Variants in CD276 observed in about 807,000 individuals in gnomAD.
CD276 encodes CD276 molecule, also known as CD276 antigen.
A neutral mutation model predicts 50.0 loss-of-function variants in CD276; 34 were observed. That is an observed-to-expected ratio of 0.68 (90% CI 0.52 to 0.91). CD276 has a LOEUF of 0.91. Ranked by LOEUF, CD276 falls within the 40% of genes least tolerant of loss-of-function variation. The pLI is 0.00. For missense variants in CD276, 634 were observed against 717.5 expected (o/e 0.88, Z 1.33); for synonymous variants, 275 against 313.0 (o/e 0.88, Z 1.28).
chr15:73,713,169 C>G lies in CD276; in HGVS notation c.*213C>G, dbSNP rs928207381. 1.1e-5 allele frequency: 6 copies of G among 540,954 alleles called. No individual in the cohort carries two copies. The highest frequency in any genetic ancestry group is 4.7e-4 in the Middle Eastern group (1 of 2,138). The allele number at this position is 540,954 out of a possible 1,614,324, so 33.5% of individuals were successfully genotyped here. The stretch of plus-strand genomic sequence containing the variant: ...CCTGCTGCCTTTTTTCTTATAGACA[C>G]AATGAACAGACCACCCACAACCTTA... On this transcript the variant is annotated 3_prime_UTR_variant, in exon 10 of 10. Coordinates refer to ENST00000318443, the MANE Select transcript of CD276 (RefSeq NM_001024736.2).
At chr15:73,712,885 A>AT (rs1900964510) in intron 9 of CD276, 49 bp from the exon 10 acceptor site, 2 of 1,595,860 alleles carry the variant, frequency 1.3e-6, no homozygotes. Flanking sequence ...ATCTTCTGGC[A>AT]TCTAATGCTT....
Position 73,691,376 on chromosome 15 carries a change from G to C in CD276, c.-55+6916G>C, listed in dbSNP as rs577323719. ...TTCATTTGTTTGGATCAATTCTTTAGATTGTTGGTAGCAGACACATTTATT... is the reference window on the plus strand; with the variant it reads ...TTCATTTGTTTGGATCAATTCTTTACATTGTTGGTAGCAGACACATTTATT... On this transcript the variant is annotated intron_variant, in intron 1 of 9. Transcript: ENST00000318443. 1.4e-4 allele frequency among the ~76,000 whole-genome samples: 21 copies of C among 152,274 alleles called. No individual in the cohort carries two copies. In the East Asian group the frequency reaches 3.9e-3, roughly 28 times the overall value.
intron 1 of CD276, among the ~76,000 whole-genome samples, chr15:73,688,330 T>A (rs530806702): frequency 7.9e-5 from 12 of 152,262 alleles, no homozygotes; most frequent in Admixed American, 4.6e-4. Flanking sequence ...GCAGTTTTGG[T>A]ACTGGGCACT....
At chr15:73,699,779 G>C (rs1038618113) in intron 2 of CD276, 61 bp downstream of exon 2, 1 of 1,520,350 alleles carries the variant, frequency 6.6e-7, no homozygotes, top group Admixed American at 2.0e-5. Flanking sequence ...TTGGGGAGGG[G>C]GTGCCCACGC....
chr15:73,700,881 T>TCCCCC (rs1900352003), intron 2 of CD276, among the ~76,000 whole-genome samples: 1 of 60,894 alleles, frequency 1.6e-5, no homozygotes. Flanking sequence ...GGGGGTTCGC[T>TCCCCC]TCCCCTCCTC....
Position 73,702,485 on chromosome 15 carries a change from A to T in CD276, c.310A>T (p.Asn104Tyr). ...CTTCCCGGACCTGCTGGCACAGGGC[A>T]ACGCATCCCTGAGGCTGCAGCGCGT... ...ALFPDLLAQG[N>Y]ASLRLQRVRV... The change falls in exon 3 of 10, where the codon AAC becomes TAC. Residue 104 changes from asparagine (N) to tyrosine (Y), a missense_variant. By Grantham distance (143) the Asn-to-Tyr change is moderately radical. Coordinates refer to ENST00000318443, the MANE Select transcript of CD276 (RefSeq NM_001024736.2). The T allele has an allele frequency of 1.9e-6, 3 of 1,613,652 alleles. No homozygotes were observed. The East Asian group carries it at 6.7e-5, about 36-fold the overall frequency.
At chr15:73,705,180 A>G (rs1355695807) in intron 6 of CD276, among the ~76,000 whole-genome samples, 1 of 152,176 alleles carries the variant, frequency 6.6e-6, no homozygotes, top group Non-Finnish European at 1.5e-5. Flanking sequence ...CGACGTGCTC[A>G]GTCTGGCTCT....
chr15:73,690,734 G>GTCA (rs1480474599), intron 1 of CD276: 1 of 455,822 alleles, frequency 2.2e-6, no homozygotes. Flanking sequence ...AAGCACCCAT[G>GTCA]TCATCTAGGA....
At chr15:73,710,046 AAC>A in intron 8 of CD276, among the ~76,000 whole-genome samples, 1 of 152,326 alleles carries the variant, frequency 6.6e-6, no homozygotes, top group Middle Eastern at 3.4e-3. Context: ...ATCTCAGGTA[AAC>A]AGAGTGGCCT....
intron 1 of CD276, among the ~76,000 whole-genome samples, chr15:73,694,725 A>G (rs1900116125): frequency 6.6e-6 from 1 of 152,208 alleles, no homozygotes; most frequent in African/African-American, 2.4e-5. Flanking sequence ...CTTTCAGGGC[A>G]TGACCCAGAA....
chr15:73,698,259 T>G (rs554595361), intron 1 of CD276, among the ~76,000 whole-genome samples: 1 of 152,328 alleles, frequency 6.6e-6, no homozygotes, highest in South Asian at 2.1e-4. Context: ...AGCTAGCAAA[T>G]GTTCTCTCTC....
Position 73,708,349 on chromosome 15 carries a change from G to T in CD276, c.1380G>T (p.Met460Ile). The change falls in exon 7 of 10, where the codon ATG (methionine) becomes ATT (isoleucine). Residue 460 changes from methionine to isoleucine, a missense_variant. Transcript: ENST00000318443. The stretch of plus-strand genomic sequence containing the variant: ...TACTTTTCCTCTCAGGGCAGCCTAT[G>T]ACATTCCCCCCAGAGGCCCTGTGGG... ...HGSVTITGQPMTFPPEALWVT... is the reference protein window; with the variant it reads ...HGSVTITGQPITFPPEALWVT... The T allele has an allele frequency of 6.2e-7, 1 of 1,614,156 alleles. No homozygotes were observed. Among genetic ancestry groups the T allele is most frequent in the South Asian group, 1.1e-5 (1 of 91,082 alleles).
At chr15:73,710,658 G>A (rs1175246960) in intron 8 of CD276, among the ~76,000 whole-genome samples, 1 of 152,236 alleles carries the variant, frequency 6.6e-6, no homozygotes, top group African/African-American at 2.4e-5. Flanking sequence ...CAGGCGTAGA[G>A]ACAGCTCTGG....
Position 73,714,293 on chromosome 15 carries a change from C to T in CD276, c.*1337C>T, listed in dbSNP as rs1296536953. 1.2e-5 allele frequency: 2 copies of T among 168,196 alleles called. No individual in the cohort carries two copies. Among genetic ancestry groups the T allele is most frequent in the African/African-American group, 4.8e-5 (2 of 41,534 alleles). The allele number at this position is 168,196 out of a possible 1,614,324, so 10.4% of individuals were successfully genotyped here. A position where few individuals can be genotyped will look rare whatever the true frequency, so the allele number is the denominator to read the frequency against. On this transcript the variant is annotated 3_prime_UTR_variant, in exon 10 of 10. Transcript: ENST00000318443. ...CGAGGGGACTGCCCCCCACCCCCAC[C>T]ATGGTGCTATTCTGGGGCTGGGGCA...
At chr15:73,691,794 G>A (rs1306452956) in intron 1 of CD276, among the ~76,000 whole-genome samples, 1 of 152,234 alleles carries the variant, frequency 6.6e-6, no homozygotes, top group Admixed American at 6.5e-5. Flanking sequence ...TCTTTGTCAA[G>A]GAAAGAAGGA....
Position 73,703,084 on chromosome 15 carries a change from C to A in CD276, c.731C>A (p.Thr244Lys). Reference sequence around the variant, plus strand: ...ACCATCACACCCCAGAGAAGCCCCACAGGTTGCTTTGCTTAAATGTCCCCT... The same window carrying A: ...ACCATCACACCCCAGAGAAGCCCCAAAGGTTGCTTTGCTTAAATGTCCCCT... The part of the protein sequence containing the change: ...SVTITPQRSP[T>K]GAVEVQVPED... The change falls in exon 4 of 10, where the codon ACA becomes AAA. Residue 244 changes from threonine to lysine, a missense_variant and splice_region_variant. Physicochemically the swap from Thr to Lys is moderately conservative, Grantham distance 78. Coordinates refer to ENST00000318443, the MANE Select transcript of CD276 (RefSeq NM_001024736.2). 1 of 1,590,562 alleles carries A rather than the reference C, an allele frequency of 6.3e-7. No individual in the cohort carries two copies. The highest frequency in any genetic ancestry group is 1.1e-5 in the South Asian group (1 of 88,800).
In CD276 at chr15:73,711,572, A is replaced by G. The variant is rs149202504; in HGVS notation, c.1582+402A>G. The G allele has an allele frequency of 3.7e-3, 706 of 191,636 alleles. 7 individuals carry two copies. Among genetic ancestry groups the G allele is most frequent in the African/African-American group, 0.016 (681 of 42,800 alleles). The allele number at this position is 191,636 out of a possible 1,614,324, so 11.9% of individuals were successfully genotyped here. A position where few individuals can be genotyped will look rare whatever the true frequency, so the allele number is the denominator to read the frequency against. On this transcript the variant is annotated intron_variant, in intron 9 of 9. Transcript: ENST00000318443. The stretch of plus-strand genomic sequence containing the variant: ...GAGCCAAGAGGGAGAGAAAGGAAGG[A>G]TATGTTTCCTTCTAGAGCTTGAGTG...
intron 1 of CD276, among the ~76,000 whole-genome samples, chr15:73,696,754 G>A (rs934406188): frequency 4.6e-5 from 7 of 152,208 alleles, no homozygotes; most frequent in African/African-American, 1.4e-4. Flanking sequence ...ACCAGGCAGA[G>A]GAATGGGGTC....
At chr15:73,703,199 C>G in intron 4 of CD276, 113 bp downstream of exon 4, 2 of 1,247,644 alleles carry the variant, frequency 1.6e-6, no homozygotes, top group Non-Finnish European at 2.2e-6. Context: ...AAGTTGCCTC[C>G]TAATGATAGG....
Sources: gnomAD v4.1 joint callset for allele counts (sites outside exome capture counted in the v4.1 genomes callset) on GRCh38, gnomAD v4.1.1 for gene constraint, MANE v1.5 for transcripts, NCBI Gene and HGNC (gene_info 2026-07-23, HGNC 2026-07-21) for gene names.